The following ASTN2 variants were observed in gnomAD, a reference collection of about 807,000 sequenced individuals.
ASTN2 encodes the protein astrotactin 2, also known as astrotactin-2.
In ASTN2, 54 loss-of-function variants were observed where a neutral mutation model predicts 139.8. The ratio of observed to expected loss-of-function variants is 0.39; its 90% confidence interval spans 0.31 to 0.48. ASTN2 has a LOEUF of 0.48. Ranked by LOEUF, ASTN2 falls within the 20% of genes least tolerant of loss-of-function variation. ASTN2 has a pLI of 0.95. For missense variants in ASTN2, 1,565 were observed against 1,725.1 expected, an observed-to-expected ratio of 0.91 and a Z score of 1.64; for synonymous variants, 756 against 719.5, an observed-to-expected ratio of 1.05 and a Z score of -0.81.
intron 11 of ASTN2, among the ~76,000 whole-genome samples, chr9:116,835,369 T>A (rs1041710880): frequency 5.9e-5 from 9 of 152,298 alleles, no homozygotes; most frequent in Admixed American, 3.9e-4. Context: ...TATTTTGAAA[T>A]GGCCCTGCAA....
intron 10 of ASTN2, among the ~76,000 whole-genome samples, chr9:116,882,017 T>C (rs910753292): frequency 2.0e-5 from 3 of 152,356 alleles, no homozygotes; most frequent in African/African-American, 7.2e-5. Context: ...GTGCCTCAAG[T>C]GATGATTCCT....
chr9:116,891,759 T>A (rs777856625), intron 10 of ASTN2, among the ~76,000 whole-genome samples: 1 of 152,238 alleles, frequency 6.6e-6, no homozygotes, highest in Non-Finnish European at 1.5e-5. Context: ...ATGTTTGACA[T>A]GTTCCATGAT....
intron 10 of ASTN2, among the ~76,000 whole-genome samples, chr9:116,894,561 C>T (rs1371437738): frequency 2.6e-5 from 4 of 152,110 alleles, no homozygotes; most frequent in Non-Finnish European, 5.9e-5. Context: ...ATAAACATGG[C>T]TCACTGCAAC....
chr9:116,900,215 A>G (rs973533656), intron 10 of ASTN2, among the ~76,000 whole-genome samples: 4 of 152,234 alleles, frequency 2.6e-5, no homozygotes, highest in African/African-American at 9.6e-5. Context: ...CTGTTGGGCA[A>G]TGACAATCAT....
At chr9:116,779,327 G>A (rs972696056) in intron 13 of ASTN2, among the ~76,000 whole-genome samples, 2 of 152,132 alleles carry the variant, frequency 1.3e-5, no homozygotes, top group African/African-American at 4.8e-5. Flanking sequence ...TTTGCCAGGT[G>A]AGGACACAGC....
chr9:117,079,908 T>C (rs760652901), intron 5 of ASTN2, among the ~76,000 whole-genome samples: 1 of 152,274 alleles, frequency 6.6e-6, no homozygotes, highest in Non-Finnish European at 1.5e-5. Flanking sequence ...GCTAAGTTTG[T>C]TGCTTTTATT....
In ASTN2 at chr9:116,699,426, G is replaced by C. The variant is rs1248422027; in HGVS notation, c.2806+26345C>G. On this transcript the variant is annotated intron_variant, in intron 16 of 22. Transcript: ENST00000313400. The surrounding 1 kb of genome is among the most constrained non-coding windows in gnomAD (Gnocchi z 4.2). The stretch of plus-strand genomic sequence containing the variant: ...CTCTGTAGGCCCTGATGGGCAGCTG[G>C]GTCGCCAGATTAGCCACTTCTTCTC... The C allele has an allele frequency of 1.2e-6, 2 of 1,614,116 alleles. No homozygotes were observed. Among genetic ancestry groups the C allele is most frequent in the African/African-American group, 1.3e-5 (1 of 75,030 alleles).
At chr9:117,083,372 A>G (rs1274081884) in intron 5 of ASTN2, among the ~76,000 whole-genome samples, 2 of 152,162 alleles carry the variant, frequency 1.3e-5, no homozygotes, top group African/African-American at 4.8e-5. Context: ...GTGAGATAGG[A>G]TTATCATTTC....
chr9:116,989,136 A>AT (rs543191295), intron 7 of ASTN2, among the ~76,000 whole-genome samples: 19 of 151,604 alleles, frequency 1.3e-4, no homozygotes, highest in East Asian at 3.9e-4. Flanking sequence ...ACTCATTGAC[A>AT]TTTTTTTTTC....
intron 19 of ASTN2, among the ~76,000 whole-genome samples, chr9:116,617,811 A>G (rs1855930493): frequency 6.6e-6 from 1 of 152,200 alleles, no homozygotes. Context: ...GAACTCGGAA[A>G]TAATGTTCTG....
At chr9:116,847,038 A>G (rs1201287273) in intron 11 of ASTN2, among the ~76,000 whole-genome samples, 1 of 151,288 alleles carries the variant, frequency 6.6e-6, no homozygotes, top group South Asian at 2.1e-4. Context: ...AAAAAACAAA[A>G]AACAAAAAAC....
chr9:117,018,166 T>C (rs10732386), intron 6 of ASTN2, among the ~76,000 whole-genome samples: 139,217 of 152,074 alleles, frequency 0.92, 64,685 homozygotes, highest in Non-Finnish European at 0.99. Flanking sequence ...ATATATTAGG[T>C]GCAATACCTT....
chr9:117,264,379 C>T (rs573613527), intron 2 of ASTN2, among the ~76,000 whole-genome samples: 20 of 152,278 alleles, frequency 1.3e-4, no homozygotes, highest in African/African-American at 3.6e-4. Context: ...CTCATGGCTG[C>T]CTGATGTTGG....
At chr9:116,976,244 T>A in intron 8 of ASTN2, 56 bp from the exon 9 acceptor site, 1 of 1,460,770 alleles carries the variant, frequency 6.8e-7, no homozygotes, top group Non-Finnish European at 9.6e-7. Flanking sequence ...CAGGTAGAAT[T>A]CACATGTGGA....
chr9:116,536,043 CTTTG>C (rs576894036), intron 19 of ASTN2, among the ~76,000 whole-genome samples: 1,864 of 152,096 alleles, frequency 0.012, 32 homozygotes, highest in African/African-American at 0.043. Flanking sequence ...TTCTTGGAGG[CTTTG>C]TTTGTTTCTT....
rs149245187 is a variant in ASTN2 at position 116,918,884 on chromosome 9, G to A, written c.1890-55151C>T. ...TCAAACAATATTTATATGTGCCTGG[G>A]GTTTAAAAATATATATATTTGAGAT... On this transcript the variant is annotated intron_variant, in intron 10 of 22. Coordinates refer to ENST00000313400, the MANE Select transcript of ASTN2 (RefSeq NM_001365068.1). Among the ~76,000 whole-genome samples the A allele has an allele frequency of 1.5e-3, 225 of 151,644 alleles. 2 individuals carry two copies. Among genetic ancestry groups the A allele is most frequent in the Non-Finnish European group, 8.4e-4 (57 of 67,842 alleles).
At chr9:117,153,301 C>T (rs997120121) in intron 3 of ASTN2, among the ~76,000 whole-genome samples, 2 of 152,058 alleles carry the variant, frequency 1.3e-5, no homozygotes, top group African/African-American at 4.8e-5. Flanking sequence ...ACCTTAACTC[C>T]TACAGCCTGG....
chr9:116,483,751 A>G (rs1343803921), intron 20 of ASTN2, among the ~76,000 whole-genome samples: 1 of 152,156 alleles, frequency 6.6e-6, no homozygotes, highest in South Asian at 2.1e-4. Flanking sequence ...AGGAGGAGAG[A>G]GGGGATGAAA....
At chr9:116,489,533 T>C (rs999425686) in intron 19 of ASTN2, among the ~76,000 whole-genome samples, 1 of 152,126 alleles carries the variant, frequency 6.6e-6, no homozygotes, top group Non-Finnish European at 1.5e-5. Context: ...GATGGGGTCT[T>C]ACCCTGTTGC....
Sources: allele counts gnomAD v4.1 joint callset (sites outside exome capture counted in the v4.1 genomes callset), GRCh38; gene constraint gnomAD v4.1.1; non-coding constraint Gnocchi (gnomAD v3.1); transcripts MANE v1.5; gene names NCBI Gene and HGNC (gene_info 2026-07-23, HGNC 2026-07-21).